The following G3BP2 variants were observed in gnomAD, a reference collection of about 807,000 sequenced individuals.
G3BP2 encodes the protein ras GTPase-activating protein-binding protein 2.
G3BP2 carries 11 observed loss-of-function variants against 56.7 expected under a neutral mutation model. That is an observed-to-expected ratio of 0.19 (90% CI 0.12 to 0.32). The LOEUF is 0.32. Ranked by LOEUF, G3BP2 falls within the 10% of genes least tolerant of loss-of-function variation. The pLI is 1.00. For missense variants in G3BP2, 340 were observed against 610.9 expected (o/e 0.56, Z 4.67); for synonymous variants, 165 against 191.6 (o/e 0.86, Z 1.15).
At chr4:75,654,965 T>C in intron 7 of G3BP2, 101 bp downstream of exon 7, 1 of 759,636 alleles carries the variant, frequency 1.3e-6, no homozygotes, top group East Asian at 2.7e-5. Context: ...CATAAAATAA[T>C]TTACTAAACA....
intron 1 of G3BP2, among the ~76,000 whole-genome samples, chr4:75,666,545 T>C (rs1384922387): frequency 6.6e-6 from 1 of 152,182 alleles, no homozygotes; most frequent in Non-Finnish European, 1.5e-5. Flanking sequence ...CAAAATATAA[T>C]TGATAGAAAT....
At chr4:75,671,962 CACTCTAGT>C (rs1733519669) in intron 1 of G3BP2, among the ~76,000 whole-genome samples, 1 of 152,150 alleles carries the variant, frequency 6.6e-6, no homozygotes, top group South Asian at 2.1e-4. Context: ...CATCATCTCC[CACTCTAGT>C]ACACCGGGGC....
At chr4:75,692,909 C>T (rs1347480132) in intron 3 of G3BP2, among the ~76,000 whole-genome samples, 4 of 152,194 alleles carry the variant, frequency 2.6e-5, no homozygotes, top group Non-Finnish European at 4.4e-5. Context: ...GTTTAGCCCT[C>T]ACAGTGTTCA....
At chr4:75,674,716 ATATTTTTTTTTT>A (rs1733784006), upstream of G3BP2, among the ~76,000 whole-genome samples, 1 of 53,082 alleles carries the variant, frequency 1.9e-5, no homozygotes, top group African/African-American at 6.7e-5. Flanking sequence ...ATATATATAT[ATATTTTTTTTTT>A]TTTTTTTTTT....
intron 1 of G3BP2, among the ~76,000 whole-genome samples, chr4:75,668,808 T>C (rs951078487): frequency 2.0e-5 from 3 of 152,168 alleles, no homozygotes; most frequent in Non-Finnish European, 4.4e-5. Flanking sequence ...ATCTTTCTAC[T>C]CCTACTGAAT....
chr4:75,658,402 A>C (rs1732272625), intron 3 of G3BP2, among the ~76,000 whole-genome samples: 1 of 151,490 alleles, frequency 6.6e-6, no homozygotes, highest in Non-Finnish European at 1.5e-5. Context: ...TCAAACATAA[A>C]TTTCAGTTAC....
intron 3 of G3BP2, among the ~76,000 whole-genome samples, chr4:75,678,544 A>C (rs1425896442): frequency 6.6e-6 from 1 of 152,232 alleles, no homozygotes; most frequent in African/African-American, 2.4e-5. Flanking sequence ...GCTGGGCACA[A>C]TGGGGTATGC....
intron 4 of G3BP2, 93 bp downstream of exon 4, chr4:75,657,464 A>G: frequency 1.1e-6 from 1 of 879,766 alleles, no homozygotes. Context: ...AAAAATAACA[A>G]TATGCAAATC....
intron 3 of G3BP2, among the ~76,000 whole-genome samples, chr4:75,712,646 C>T (rs868506485): frequency 1.3e-5 from 2 of 152,090 alleles, no homozygotes; most frequent in South Asian, 2.1e-4. Flanking sequence ...CCTCCTAGGT[C>T]CCTCTAGATT....
intron 3 of G3BP2, among the ~76,000 whole-genome samples, chr4:75,703,701 T>C (rs1719432846): frequency 6.6e-6 from 1 of 151,704 alleles, no homozygotes; most frequent in Non-Finnish European, 1.5e-5. Flanking sequence ...TCTGACAGAG[T>C]GGGAGAGAAG....
At chr4:75,658,303 C>T (rs1338135299) in intron 3 of G3BP2, among the ~76,000 whole-genome samples, 1 of 151,930 alleles carries the variant, frequency 6.6e-6, no homozygotes, top group African/African-American at 2.4e-5. Context: ...CACCATGTTT[C>T]ATACAAAAAT....
intron 8 of G3BP2, chr4:75,649,002 A>T: frequency 3.6e-6 from 1 of 277,600 alleles, no homozygotes; most frequent in Non-Finnish European, 6.8e-6. Context: ...TTTTTTCATT[A>T]AAGTTATATC....
chr4:75,667,150 G>A (rs144985987), intron 1 of G3BP2, among the ~76,000 whole-genome samples: 35 of 152,164 alleles, frequency 2.3e-4, no homozygotes, highest in South Asian at 6.2e-4. Flanking sequence ...TTAGCGGGGC[G>A]TGGTAGTGTG....
intron 3 of G3BP2, among the ~76,000 whole-genome samples, chr4:75,706,433 C>A (rs1263051002): frequency 1.3e-5 from 2 of 152,136 alleles, no homozygotes; most frequent in Admixed American, 1.3e-4. Context: ...CTGAGCTCTG[C>A]CACTTAGCAG....
At chr4:75,665,632 CACACACACACAAACACACAAACAA>C (rs1023351940) in intron 1 of G3BP2, among the ~76,000 whole-genome samples, 7 of 64,540 alleles carry the variant, frequency 1.1e-4, no homozygotes, top group East Asian at 8.1e-4. Context: ...CACAAACACA[CACACACACACAAACACACAAACAA>C]ACACACACAC....
Position 75,673,285 on chromosome 4 carries a change from T to C in G3BP2, c.-102A>G. 2 of 1,226,792 alleles carry C rather than the reference T, an allele frequency of 1.6e-6. No homozygotes were observed. The highest frequency in any genetic ancestry group is 2.0e-6 in the Non-Finnish European group (2 of 985,148). 76.0% of individuals were successfully genotyped at this position (1,226,792 alleles called of 1,614,324 possible). ...GAGGACCGGGTGCGGCGGGTTCTTA[T>C]TGCTCGCCGCCCCCTTCCTCCGACA... On this transcript the variant is annotated 5_prime_UTR_variant, in exon 1 of 12. Coordinates refer to ENST00000359707, the MANE Select transcript of G3BP2 (RefSeq NM_203505.3).
At chr4:75,699,723 C>A (rs558959191) in intron 3 of G3BP2, among the ~76,000 whole-genome samples, 1 of 152,108 alleles carries the variant, frequency 6.6e-6, no homozygotes, top group Non-Finnish European at 1.5e-5. Flanking sequence ...ATAATATTTT[C>A]TCTTATAGTT....
At chr4:75,682,414 CA>C (rs34067467) in intron 3 of G3BP2, among the ~76,000 whole-genome samples, 43,268 of 100,416 alleles carry the variant, frequency 0.43, 5,896 homozygotes, top group Middle Eastern at 0.54. Flanking sequence ...GACTCCGTCT[CA>C]AAAAAAAAAA....
At chr4:75,665,681 A>C (rs2149019266) in intron 1 of G3BP2, among the ~76,000 whole-genome samples, 1 of 151,336 alleles carries the variant, frequency 6.6e-6, no homozygotes, top group Non-Finnish European at 1.5e-5. Context: ...ACACACACAC[A>C]CACAGCTAAG....
Sources: allele counts gnomAD v4.1 joint callset (sites outside exome capture counted in the v4.1 genomes callset), GRCh38; gene constraint gnomAD v4.1.1; transcripts MANE v1.5; gene names NCBI Gene and HGNC (gene_info 2026-07-23, HGNC 2026-07-21).